Variants in LRMDA observed in about 807,000 individuals in gnomAD.
The protein encoded by LRMDA is leucine rich melanocyte differentiation associated.
In LRMDA, 18 loss-of-function variants were observed where a neutral mutation model predicts 29.8. The observed-to-expected ratio is 0.60, with a 90% CI of 0.42 to 0.90. The LOEUF is 0.90. LRMDA is among the 40% of genes least tolerant of loss of function. The pLI, the probability that LRMDA is intolerant of heterozygous loss-of-function variation, is 0.00. For synonymous variants in LRMDA, 125 were observed against 109.4 expected (o/e 1.14, Z -0.89); for missense variants, 273 against 273.9 (o/e 1.00, Z 0.02).
chr10:75,711,396 G>C (rs1311585251), intron 2 of LRMDA, among the ~76,000 whole-genome samples: 1 of 152,172 alleles, frequency 6.6e-6, no homozygotes, highest in Non-Finnish European at 1.5e-5. Context: ...ACATGAAAAT[G>C]CTTTGCAGGT....
At chr10:75,551,157 GCTAT>G (rs970591270) in intron 2 of LRMDA, among the ~76,000 whole-genome samples, 1 of 147,736 alleles carries the variant, frequency 6.8e-6, no homozygotes, top group Non-Finnish European at 1.5e-5. Context: ...TTTGCAGTCA[GCTAT>G]CTTTTTTTTT....
intron 6 of LRMDA, among the ~76,000 whole-genome samples, chr10:76,533,438 G>T (rs1386960209): frequency 9.2e-5 from 14 of 152,074 alleles, no homozygotes; most frequent in Non-Finnish European, 1.6e-4. Context: ...TATAAGACCT[G>T]ACTTTATGTT....
chr10:75,914,117 T>C (rs1845891100), intron 2 of LRMDA, among the ~76,000 whole-genome samples: 1 of 152,208 alleles, frequency 6.6e-6, no homozygotes, highest in African/African-American at 2.4e-5. Flanking sequence ...GCAACCATGG[T>C]GAGAAGACTG....
intron 2 of LRMDA, among the ~76,000 whole-genome samples, chr10:75,720,246 A>G (rs1050920933): frequency 2.0e-5 from 3 of 152,242 alleles, no homozygotes; most frequent in Non-Finnish European, 4.4e-5. Flanking sequence ...GAAAATAAGC[A>G]GCAAATAAGA....
intron 2 of LRMDA, among the ~76,000 whole-genome samples, chr10:75,507,878 C>T (rs1845186315): frequency 6.6e-6 from 1 of 152,134 alleles, no homozygotes; most frequent in Non-Finnish European, 1.5e-5. Flanking sequence ...TCCTATTTCC[C>T]TTTTCTTCCT....
chr10:76,373,342 G>A (rs1034216609), intron 6 of LRMDA, among the ~76,000 whole-genome samples: 11 of 152,088 alleles, frequency 7.2e-5, no homozygotes, highest in South Asian at 4.1e-4. Context: ...AGAGTAATGA[G>A]TAGGCTTGTT....
intron 2 of LRMDA, among the ~76,000 whole-genome samples, chr10:75,486,835 A>G (rs1374299122): frequency 6.6e-6 from 1 of 152,174 alleles, no homozygotes; most frequent in African/African-American, 2.4e-5. Context: ...CAGCCATCTC[A>G]TCAGACTACT....
At chr10:75,450,209 A>T (rs143400750) in intron 2 of LRMDA, 151 of 151,860 alleles carry the variant, frequency 9.9e-4, no homozygotes, top group African/African-American at 3.2e-3. Flanking sequence ...CTGTCCTAGC[A>T]CAAGGTCACT....
chr10:75,530,487 C>T (rs750968526), intron 2 of LRMDA, among the ~76,000 whole-genome samples: 53 of 152,000 alleles, frequency 3.5e-4, no homozygotes, highest in Admixed American at 1.4e-3. Flanking sequence ...CCTGTGTTGC[C>T]CCCTCCTTGC....
intron 5 of LRMDA, among the ~76,000 whole-genome samples, chr10:76,201,803 GT>G (rs1851436112): frequency 6.6e-6 from 1 of 152,122 alleles, no homozygotes. Flanking sequence ...CTTTTGCTGG[GT>G]AAAAAACTAC....
chr10:75,714,411 G>A (rs1330807508), intron 2 of LRMDA, among the ~76,000 whole-genome samples: 1 of 152,174 alleles, frequency 6.6e-6, no homozygotes, highest in East Asian at 1.9e-4. Context: ...TTCAGAGCTG[G>A]CTAACTGCTT....
At chr10:76,482,978 T>C (rs907718537) in intron 6 of LRMDA, among the ~76,000 whole-genome samples, 4 of 151,940 alleles carry the variant, frequency 2.6e-5, no homozygotes, top group Admixed American at 2.6e-4. Context: ...ATTTTCCCTG[T>C]TGGCTGATGA....
At chr10:75,957,864 G>T (rs1846691100) in intron 2 of LRMDA, among the ~76,000 whole-genome samples, 1 of 152,134 alleles carries the variant, frequency 6.6e-6, no homozygotes, top group Non-Finnish European at 1.5e-5. Context: ...GCTCCATCTG[G>T]TCGCAGTATA....
At chr10:75,977,035 A>G (rs544378333) in intron 2 of LRMDA, among the ~76,000 whole-genome samples, 6 of 152,068 alleles carry the variant, frequency 3.9e-5, no homozygotes, top group Non-Finnish European at 8.8e-5. Flanking sequence ...GAAATGCCCC[A>G]TAACCGTAAA....
At chr10:76,010,904 C>G (rs1287728552) in intron 2 of LRMDA, among the ~76,000 whole-genome samples, 2 of 152,232 alleles carry the variant, frequency 1.3e-5, no homozygotes, top group Non-Finnish European at 2.9e-5. Flanking sequence ...GGTAAATTAT[C>G]TTCCACTAGG....
chr10:76,107,280 G>A (rs1341635144), intron 5 of LRMDA, among the ~76,000 whole-genome samples: 4 of 152,184 alleles, frequency 2.6e-5, no homozygotes, highest in Non-Finnish European at 5.9e-5. Flanking sequence ...CACCCCTAAA[G>A]TTTGGGATTT....
chr10:75,859,954 T>C (rs542148219), intron 2 of LRMDA, among the ~76,000 whole-genome samples: 1 of 152,314 alleles, frequency 6.6e-6, no homozygotes, highest in South Asian at 2.1e-4. Flanking sequence ...AATATATTTT[T>C]CCCCAAATGG....
At chr10:76,451,380 T>A (rs755171923) in intron 6 of LRMDA, among the ~76,000 whole-genome samples, 1 of 152,180 alleles carries the variant, frequency 6.6e-6, no homozygotes, top group South Asian at 2.1e-4. Flanking sequence ...TTTTTTGTTA[T>A]ATTTTCAGTA....
chr10:75,557,824 A>G (rs754298191), intron 2 of LRMDA, among the ~76,000 whole-genome samples: 2 of 152,134 alleles, frequency 1.3e-5, no homozygotes, highest in African/African-American at 2.4e-5. Context: ...ATACAGCTGT[A>G]TGTCGATCTG....
Sources: gnomAD v4.1 joint callset for allele counts (sites outside exome capture counted in the v4.1 genomes callset) on GRCh38, gnomAD v4.1.1 for gene constraint, MANE v1.5 for transcripts, NCBI Gene and HGNC (gene_info 2026-07-23, HGNC 2026-07-21) for gene names.